GAS1: variants seen among roughly 807,000 people sequenced by gnomAD.
GAS1 encodes the protein growth arrest specific 1.
Under a neutral mutation model 21.6 loss-of-function variants are expected in GAS1, and 10 were observed. The observed-to-expected ratio is 0.46, with a 90% CI of 0.29 to 0.79. The LOEUF is 0.79. GAS1 is among the 30% of genes least tolerant of loss of function. The pLI, the probability that GAS1 is intolerant of heterozygous loss-of-function variation, is 0.10. For synonymous variants in GAS1, 332 were observed against 264.0 expected (o/e 1.26, Z -2.50); for missense variants, 567 against 544.3 (o/e 1.04, Z -0.42).
chr9:86,944,987 T>C lies in GAS1; in HGVS notation c.*755A>G, dbSNP rs1165573019. On this transcript the variant is annotated 3_prime_UTR_variant, in exon 1 of 1. Transcript: ENST00000298743. ...GAGCTTTTTTAAATAAAAAGTTGCA[T>C]TGTTCAACACCATGGCAACCCCTTA... 1.3e-5 allele frequency: 2 copies of C among 152,198 alleles called. No homozygotes were observed. Among genetic ancestry groups the C allele is most frequent in the East Asian group, 3.9e-4 (2 of 5,194 alleles). The allele number at this position is 152,198 out of a possible 1,614,324, so 9.4% of individuals were successfully genotyped here.
At position 86,946,992 on chromosome 9, in the gene GAS1, G is replaced by A. The variant is rs1161943952; in HGVS notation, c.-213C>T. 1 of 317,606 alleles carries A rather than the reference G, an allele frequency of 3.1e-6. No homozygotes were observed. The highest frequency in any genetic ancestry group is 6.0e-6 in the Non-Finnish European group (1 of 166,262). The allele number at this position is 317,606 out of a possible 1,614,324, so 19.7% of individuals were successfully genotyped here. On this transcript the variant is annotated 5_prime_UTR_variant, in exon 1 of 1. Transcript: ENST00000298743. This position sits in a 1 kb window ranked among gnomAD's most constrained non-coding sequence, Gnocchi z 5.2. The stretch of plus-strand genomic sequence containing the variant: ...GGTGGCTTCCTGGAAATGAACAGCT[G>A]TCGAGATCTGGTCCCGCTCTCCCAC...
Position 86,945,091 on chromosome 9 carries a change from C to G in GAS1, c.*651G>C, listed in dbSNP as rs1453743355. 1 of 152,154 alleles carries G rather than the reference C, an allele frequency of 6.6e-6. No homozygotes were observed. Among genetic ancestry groups the G allele is most frequent in the African/African-American group, 2.4e-5 (1 of 41,418 alleles). 9.4% of individuals were successfully genotyped at this position (152,154 alleles called of 1,614,324 possible). A position where few individuals can be genotyped will look rare whatever the true frequency, so the allele number is the denominator to read the frequency against. On this transcript the variant is annotated 3_prime_UTR_variant, in exon 1 of 1. Coordinates refer to ENST00000298743, the MANE Select transcript of GAS1 (RefSeq NM_002048.3). ...GTAGCAATGAAATTAAGGTCAAGGGCTCAAACTTATCCAAAACCAATTTAG... is the reference window on the plus strand; with the variant it reads ...GTAGCAATGAAATTAAGGTCAAGGGGTCAAACTTATCCAAAACCAATTTAG...
rs1825471802 is a variant in GAS1 at position 86,945,671 on chromosome 9, G to GGCGCGGGGTCGAGGCGA, written c.*54_*70dup. On this transcript the variant is annotated 3_prime_UTR_variant, in exon 1 of 1. Coordinates refer to ENST00000298743, the MANE Select transcript of GAS1 (RefSeq NM_002048.3). Reference sequence around the variant, plus strand: ...TATCTGTCCCAAGCCACAGGTGCCCGGCGCGGGGTCGAGGCGAGCACGGGA... The same window carrying GGCGCGGGGTCGAGGCGA: ...TATCTGTCCCAAGCCACAGGTGCCCGGCGCGGGGTCGAGGCGAGCGCGGGGTCGAGGCGAGCACGGGA... 7.1e-7 allele frequency: 1 copy of GGCGCGGGGTCGAGGCGA among 1,402,760 alleles called. No homozygotes were observed. Among genetic ancestry groups the GGCGCGGGGTCGAGGCGA allele is most frequent in the African/African-American group, 1.5e-5 (1 of 66,008 alleles). 86.9% of individuals were successfully genotyped at this position (1,402,760 alleles called of 1,614,324 possible). A position where few individuals can be genotyped will look rare whatever the true frequency, so the allele number is the denominator to read the frequency against.
In GAS1 at chr9:86,945,813, GGCC is replaced by G. The variant is rs765012950; in HGVS notation, c.964_966del (p.Gly322del). The G allele has an allele frequency of 1.3e-5, 19 of 1,514,642 alleles. No homozygotes were observed. The highest frequency in any genetic ancestry group is 8.0e-5 in the East Asian group (3 of 37,342). 93.8% of individuals were successfully genotyped at this position (1,514,642 alleles called of 1,614,324 possible). On this transcript the variant is annotated inframe_deletion, in exon 1 of 1. Transcript: ENST00000298743. ...GTCCAGGCGCCCCGGGGCGCCAAGC[GGCC>G]GCCGCCGCCGCTGCTCCTGCGCCCA...
chr9:86,946,133 G>A lies in GAS1; in HGVS notation c.647C>T (p.Ala216Val), dbSNP rs1354960372. Residue 216 changes from alanine to valine, a missense_variant, in exon 1 of 1, where the codon GCG (alanine) becomes GTG (valine). Transcript: ENST00000298743. This position sits in a 1 kb window ranked among gnomAD's most constrained non-coding sequence, Gnocchi z 5.2. ...VIEDMLAMPK[A>V]ALLNDCVCDG... ...GCACACGCAGTCGTTGAGCAGCGCC[G>A]CCTTGGGCATAGCCAGCATGTCCTC... The A allele has an allele frequency of 6.2e-7, 1 of 1,609,084 alleles. No individual in the cohort carries two copies. The highest frequency in any genetic ancestry group is 1.1e-5 in the South Asian group (1 of 91,062).
rs1403893821 is a variant in GAS1, at chr9:86,946,345, C to T, written c.435G>A (p.Pro145=). Reference sequence around the variant, plus strand: ...CGCCGCCGCTCGTCCGGGGCAGGCACGGCTCAATGGCGCGCTTGGTGGACT... The same window carrying T: ...CGCCGCCGCTCGTCCGGGGCAGGCATGGCTCAATGGCGCGCTTGGTGGACT... The part of the protein sequence containing the change: ...NCKSTKRAIE[P]CLPRTSGGGA... Residue 145 remains proline (P), a synonymous_variant, in exon 1 of 1, where the codon CCG becomes CCA. Transcript: ENST00000298743. This position sits in a 1 kb window ranked among gnomAD's most constrained non-coding sequence, Gnocchi z 5.2. 3 of 1,454,546 alleles carry T rather than the reference C, an allele frequency of 2.1e-6. No homozygotes were observed. In the African/African-American group the frequency reaches 4.4e-5, roughly 21 times the overall value. 90.1% of individuals were successfully genotyped at this position (1,454,546 alleles called of 1,614,324 possible).
chr9:86,947,361 C>T lies in GAS1; in HGVS notation c.-582G>A, dbSNP rs1825519887. 6.6e-6 allele frequency among the ~76,000 whole-genome samples: 1 copy of T among 151,818 alleles called. No homozygotes were observed. Among genetic ancestry groups the T allele is most frequent in the African/African-American group, 2.4e-5 (1 of 41,378 alleles). On this transcript the variant is annotated 5_prime_UTR_variant, in exon 1 of 1. Coordinates refer to ENST00000298743, the MANE Select transcript of GAS1 (RefSeq NM_002048.3). ...CCCCCTCCGCCCGCGGCAACCCCGG[C>T]CTCCGCAGAGCTCCGGGGAGCTCTT...
At position 86,946,447 on chromosome 9, in the gene GAS1, C is replaced by G; in HGVS notation, c.333G>C (p.Ser111=). 13 of 1,482,530 alleles carry G rather than the reference C, an allele frequency of 8.8e-6. No homozygotes were observed. The highest frequency in any genetic ancestry group is 1.2e-5 in the Non-Finnish European group (13 of 1,120,460). 91.8% of individuals were successfully genotyped at this position (1,482,530 alleles called of 1,614,324 possible). The change falls in exon 1 of 1, where the codon TCG becomes TCC. Residue 111 remains serine (S), a synonymous_variant. Coordinates refer to ENST00000298743, the MANE Select transcript of GAS1 (RefSeq NM_002048.3). The surrounding 1 kb of genome is among the most constrained non-coding windows in gnomAD (Gnocchi z 5.2). ...SRWRCPSHCI[S]ALIQLNHTRR... ...GCGTGTGGTTGAGCTGAATGAGGGCCGAGATGCAGTGACTCGGGCAGCGCC... is the reference window on the plus strand; with the variant it reads ...GCGTGTGGTTGAGCTGAATGAGGGCGGAGATGCAGTGACTCGGGCAGCGCC...
Position 86,945,893 on chromosome 9 carries a change from G to C in GAS1, c.887C>G (p.Pro296Arg). The C allele has an allele frequency of 1.3e-6, 2 of 1,518,270 alleles. No homozygotes were observed. The highest frequency in any genetic ancestry group is 2.1e-5 in the Admixed American group (1 of 47,428). The allele number at this position is 1,518,270 out of a possible 1,614,324, so 94.0% of individuals were successfully genotyped here. A position where few individuals can be genotyped will look rare whatever the true frequency, so the allele number is the denominator to read the frequency against. ...DDDGVPHPPR[P>R]GSGAAASGGR... ...GCCCGATGCAGCAGCGCCGCTGCCCGGGCGCGGTGGGTGCGGGACGCCGTC... is the reference window on the plus strand; with the variant it reads ...GCCCGATGCAGCAGCGCCGCTGCCCCGGCGCGGTGGGTGCGGGACGCCGTC... The change falls in exon 1 of 1, where the codon CCG becomes CGG. Residue 296 changes from proline (P) to arginine (R), a missense_variant. Pro to Arg is a moderately radical substitution (Grantham distance 103). Transcript: ENST00000298743.
chr9:86,946,538 C>G lies in GAS1; in HGVS notation c.242G>C (p.Gly81Ala). ...ACAPVLAQHGGGDAPGAAAAA... is the reference protein window; with the variant it reads ...ACAPVLAQHGAGDAPGAAAAA... ...GGCGGCGGCCCCGGGCGCGTCGCCC[C>G]CGCCGTGCTGCGCCAGCACCGGCGC... The change falls in exon 1 of 1, where the codon GGG (glycine) becomes GCG (alanine). Residue 81 changes from glycine to alanine, a missense_variant. Gly to Ala is a moderately conservative substitution (Grantham distance 60). Transcript: ENST00000298743. This position sits in a 1 kb window ranked among gnomAD's most constrained non-coding sequence, Gnocchi z 5.2. 7.1e-7 allele frequency: 1 copy of G among 1,409,972 alleles called. No individual in the cohort carries two copies. The highest frequency in any genetic ancestry group is 9.2e-7 in the Non-Finnish European group (1 of 1,085,676). 87.3% of individuals were successfully genotyped at this position (1,409,972 alleles called of 1,614,324 possible).
At position 86,944,375 on chromosome 9, in the gene GAS1, A is replaced by T. The variant is rs996702848; in HGVS notation, c.*1367T>A. 2 of 152,188 alleles carry T rather than the reference A, an allele frequency of 1.3e-5. No homozygotes were observed. The highest frequency in any genetic ancestry group is 2.4e-5 in the African/African-American group (1 of 41,504). The allele number at this position is 152,188 out of a possible 1,614,324, so 9.4% of individuals were successfully genotyped here. A position where few individuals can be genotyped will look rare whatever the true frequency, so the allele number is the denominator to read the frequency against. On this transcript the variant is annotated 3_prime_UTR_variant, in exon 1 of 1. Coordinates refer to ENST00000298743, the MANE Select transcript of GAS1 (RefSeq NM_002048.3). ...AACTACACCATATTCATTGTTTAAA[A>T]CTCTTTACTGATGTACATGTTTTAA...
chr9:86,945,627 T>C lies in GAS1; in HGVS notation c.*115A>G. The C allele has an allele frequency of 9.5e-7, 1 of 1,054,946 alleles. No homozygotes were observed. Among genetic ancestry groups the C allele is most frequent in the Non-Finnish European group, 1.3e-6 (1 of 798,284 alleles). The allele number at this position is 1,054,946 out of a possible 1,614,324, so 65.3% of individuals were successfully genotyped here. A position where few individuals can be genotyped will look rare whatever the true frequency, so the allele number is the denominator to read the frequency against. On this transcript the variant is annotated 3_prime_UTR_variant, in exon 1 of 1. Coordinates refer to ENST00000298743, the MANE Select transcript of GAS1 (RefSeq NM_002048.3). ...TTGACTTGGAAAAAGTTTTGGGAAG[T>C]ATCCCCAACCATCCCTTCTATCTGT...
Position 86,947,311 on chromosome 9 carries a change from G to C in GAS1, c.-532C>G, listed in dbSNP as rs1825518753. ...GCGTCCGCGCGCTGCCCGCCTTCCCGCGGCCCGGCCGCCCCGCGTCCCCTC... is the reference window on the plus strand; with the variant it reads ...GCGTCCGCGCGCTGCCCGCCTTCCCCCGGCCCGGCCGCCCCGCGTCCCCTC... On this transcript the variant is annotated 5_prime_UTR_variant, in exon 1 of 1. Transcript: ENST00000298743. 1.3e-5 allele frequency: 2 copies of C among 152,208 alleles called. No individual in the cohort carries two copies. Among genetic ancestry groups the C allele is most frequent in the East Asian group, 1.9e-4 (1 of 5,132 alleles). 9.4% of individuals were successfully genotyped at this position (152,208 alleles called of 1,614,324 possible).
In GAS1 at chr9:86,945,954, C is replaced by A; in HGVS notation, c.826G>T (p.Gly276Trp). ...AGCGGCTGCTCACCACCCGCGCCCC[C>A]GGTGCGCTGCTCGTCATCGTAGTCC... ...DEDYDDEQRT[G>W]GAGGEQPLDD... is the part of the protein sequence containing the mutation. The change falls in exon 1 of 1, where the codon GGG becomes TGG. Residue 276 changes from glycine to tryptophan, a missense_variant. Coordinates refer to ENST00000298743, the MANE Select transcript of GAS1 (RefSeq NM_002048.3). The A allele has an allele frequency of 6.3e-7, 1 of 1,598,288 alleles. No individual in the cohort carries two copies.
Position 86,946,790 on chromosome 9 carries a change from G to T in GAS1, c.-11C>A. The T allele has an allele frequency of 1.2e-6, 1 of 840,248 alleles. No homozygotes were observed. The highest frequency in any genetic ancestry group is 1.7e-6 in the Non-Finnish European group (1 of 601,456). The allele number at this position is 840,248 out of a possible 1,614,324, so 52.0% of individuals were successfully genotyped here. ...CAGCGCGGCCACCATCGCGGGCAGC[G>T]GCGGCCGCCGGGAGAGGAGGGGAAA... On this transcript the variant is annotated 5_prime_UTR_variant, in exon 1 of 1. Transcript: ENST00000298743. This position sits in a 1 kb window ranked among gnomAD's most constrained non-coding sequence, Gnocchi z 5.2.
Position 86,945,790 on chromosome 9 carries a change from C to A in GAS1, c.990G>T (p.Trp330Cys). ...GGGRLAPRGA[W>C]TPLASILLLL... ...GCAGCAAGATGGAGGCGAGTGGGGTCCAGGCGCCCCGGGGCGCCAAGCGGC... is the reference window on the plus strand; with the variant it reads ...GCAGCAAGATGGAGGCGAGTGGGGTACAGGCGCCCCGGGGCGCCAAGCGGC... The change falls in exon 1 of 1, where the codon TGG becomes TGT. Residue 330 changes from tryptophan (W) to cysteine (C), a missense_variant. Trp to Cys is a radical substitution (Grantham distance 215). Transcript: ENST00000298743. The A allele has an allele frequency of 4.6e-6, 7 of 1,522,724 alleles. No homozygotes were observed. The highest frequency in any genetic ancestry group is 6.2e-6 in the Non-Finnish European group (7 of 1,136,132). The allele number at this position is 1,522,724 out of a possible 1,614,324, so 94.3% of individuals were successfully genotyped here. A position where few individuals can be genotyped will look rare whatever the true frequency, so the allele number is the denominator to read the frequency against.
Position 86,946,022 on chromosome 9 carries a change from C to T in GAS1, c.758G>A (p.Gly253Asp). 6.2e-7 allele frequency: 1 copy of T among 1,608,304 alleles called. No homozygotes were observed. Among genetic ancestry groups the T allele is most frequent in the Non-Finnish European group, 8.5e-7 (1 of 1,179,448 alleles). Residue 253 changes from glycine (G) to aspartate (D), a missense_variant, in exon 1 of 1, where the codon GGC becomes GAC. By Grantham distance (94) the Gly-to-Asp change is moderately conservative (BLOSUM62 -1). Transcript: ENST00000298743. The surrounding 1 kb of genome is among the most constrained non-coding windows in gnomAD (Gnocchi z 5.2). The part of the protein sequence containing the change: ...CFGAELGNGP[G>D]SSGSDGGLDD... ...CAGGCCCCCGTCCGAGCCGCTGCTG[C>T]CGGGGCCGTTGCCCAGCTCGGCGCC...
chr9:86,944,797 C>T lies in GAS1; in HGVS notation c.*945G>A, dbSNP rs1825456135. 1 of 152,126 alleles carries T rather than the reference C, an allele frequency of 6.6e-6. No homozygotes were observed. The highest frequency in any genetic ancestry group is 1.5e-5 in the Non-Finnish European group (1 of 68,026). The allele number at this position is 152,126 out of a possible 1,614,324, so 9.4% of individuals were successfully genotyped here. On this transcript the variant is annotated 3_prime_UTR_variant, in exon 1 of 1. Transcript: ENST00000298743. ...AAGTACAGCAACTGGTAACAAACCC[C>T]AGTTTTAATACATTTTATATACGAT...
Position 86,946,264 on chromosome 9 carries a change from G to A in GAS1, c.516C>T (p.Arg172=), listed in dbSNP as rs1231929733. 3.2e-6 allele frequency: 5 copies of A among 1,553,700 alleles called. No individual in the cohort carries two copies. Among genetic ancestry groups the A allele is most frequent in the Non-Finnish European group, 4.3e-6 (5 of 1,156,870 alleles). ...GVMGCTEARR[R]CDRDSRCNLA... ...GGTTGCAGCGGCTGTCGCGGTCGCAGCGCCGCCGGGCCTCGGTGCAGCCCA... is the reference window on the plus strand; with the variant it reads ...GGTTGCAGCGGCTGTCGCGGTCGCAACGCCGCCGGGCCTCGGTGCAGCCCA... Residue 172 remains arginine, a synonymous_variant, in exon 1 of 1, where the codon CGC becomes CGT. Coordinates refer to ENST00000298743, the MANE Select transcript of GAS1 (RefSeq NM_002048.3). The surrounding 1 kb of genome is among the most constrained non-coding windows in gnomAD (Gnocchi z 5.2).
Sources: gnomAD v4.1 joint callset for allele counts (sites outside exome capture counted in the v4.1 genomes callset) on GRCh38, gnomAD v4.1.1 for gene constraint, Gnocchi (gnomAD v3.1) non-coding constraint, MANE v1.5 for transcripts, NCBI Gene and HGNC (gene_info 2026-07-23, HGNC 2026-07-21) for gene names.